Variants in CNTN5 observed in about 807,000 individuals in gnomAD.
The protein encoded by CNTN5 is contactin 5, also known as contactin-5.
CNTN5 carries 77 observed loss-of-function variants against 129.1 expected under a neutral mutation model. The observed-to-expected ratio is 0.60, with a 90% CI of 0.50 to 0.72. The LOEUF (loss-of-function observed/expected upper bound fraction) is 0.72, where lower values mean the gene tolerates loss of function less well. Among genes scored for constraint, CNTN5 ranks in the 30% least tolerant of loss-of-function variants. The probability of loss-of-function intolerance (pLI) is 0.00; values close to 1 mark genes in which losing one functional copy is unlikely to be tolerated. For missense variants in CNTN5, 1,478 were observed against 1,328.8 expected, an observed-to-expected ratio of 1.11 and a Z score of -1.75; for synonymous variants, 509 against 465.6, an observed-to-expected ratio of 1.09 and a Z score of -1.20.
intron 6 of CNTN5, among the ~76,000 whole-genome samples, chr11:99,882,400 T>C (rs537306216): frequency 6.6e-6 from 1 of 152,262 alleles, no homozygotes; most frequent in East Asian, 1.9e-4. Context: ...AAATGAACTT[T>C]GAGCAGTAAA....
At chr11:100,217,252 C>T (rs1214485958) in intron 15 of CNTN5, among the ~76,000 whole-genome samples, 2 of 152,110 alleles carry the variant, frequency 1.3e-5, no homozygotes, top group East Asian at 3.9e-4. Flanking sequence ...ATATTTTATG[C>T]CAGCTTCTTT....
chr11:99,100,704 A>G (rs1309136783), intron 1 of CNTN5, among the ~76,000 whole-genome samples: 1 of 152,160 alleles, frequency 6.6e-6, no homozygotes, highest in Non-Finnish European at 1.5e-5. Context: ...TCTCCATAAT[A>G]CGTTTTTAAA....
At chr11:99,462,067 T>C (rs1426313556) in intron 2 of CNTN5, among the ~76,000 whole-genome samples, 1 of 152,194 alleles carries the variant, frequency 6.6e-6, no homozygotes, top group Non-Finnish European at 1.5e-5. Flanking sequence ...TTTAGTTTCA[T>C]TTAAATAACT....
Position 100,204,295 on chromosome 11 carries a change from CTAAT to C in CNTN5, c.1884+10633_1884+10636del, listed in dbSNP as rs1263133596. Among the ~76,000 whole-genome samples, 66 of 27,704 alleles carry C rather than the reference CTAAT, an allele frequency of 2.4e-3. 4 individuals carry two copies. The highest frequency in any genetic ancestry group is 0.013 in the South Asian group (10 of 774). 18.2% of individuals were successfully genotyped at this position (27,704 alleles called of 152,430 possible). A position where few individuals can be genotyped will look rare whatever the true frequency, so the allele number is the denominator to read the frequency against. The stretch of plus-strand genomic sequence containing the variant: ...TAGCTCACCAAGAAACAAACATTGA[CTAAT>C]ATATATATATATATATATATATATA... On this transcript the variant is annotated intron_variant, in intron 15 of 24. Transcript: ENST00000524871.
chr11:99,352,128 T>C (rs1429805966), intron 2 of CNTN5, among the ~76,000 whole-genome samples: 1 of 152,196 alleles, frequency 6.6e-6, no homozygotes, highest in African/African-American at 2.4e-5. Flanking sequence ...AGTGTCAGAT[T>C]TGTACATGAT....
At chr11:99,516,743 T>C (rs1302135074) in intron 2 of CNTN5, among the ~76,000 whole-genome samples, 2 of 152,150 alleles carry the variant, frequency 1.3e-5, no homozygotes, top group Non-Finnish European at 2.9e-5. Flanking sequence ...TGAATTTTTT[T>C]AAGATTTCTT....
rs35937617 is a variant in CNTN5 at position 100,321,291 on chromosome 11, A to ATTTT, written c.2730+12835_2730+12838dup. ...CTTCTTGCTTAACTTATTCCTAAGT[A>ATTTT]TTTTTTTTTTTTTTTGGTAGCTATT... On this transcript the variant is annotated intron_variant, in intron 21 of 24. Transcript: ENST00000524871. Among the ~76,000 whole-genome samples, 1,001 of 134,572 alleles carry ATTTT rather than the reference A, an allele frequency of 7.4e-3. 18 individuals are homozygous for ATTTT. Among genetic ancestry groups the ATTTT allele is most frequent in the African/African-American group, 0.026 (958 of 36,962 alleles). The allele number at this position is 134,572 out of a possible 152,430, so 88.3% of individuals were successfully genotyped here.
intron 12 of CNTN5, among the ~76,000 whole-genome samples, chr11:100,072,135 T>A (rs1454142181): frequency 6.6e-6 from 1 of 152,184 alleles, no homozygotes; most frequent in Non-Finnish European, 1.5e-5. Context: ...CATGTTAACT[T>A]CCAAGGAAGA....
At chr11:100,032,857 TAATG>T (rs1471676188) in intron 9 of CNTN5, among the ~76,000 whole-genome samples, 3 of 152,200 alleles carry the variant, frequency 2.0e-5, no homozygotes, top group Admixed American at 6.5e-5. Flanking sequence ...TAAGAATTTT[TAATG>T]AATGAAGATT....
At chr11:100,009,833 A>G (rs1210211959) in intron 9 of CNTN5, among the ~76,000 whole-genome samples, 4 of 152,170 alleles carry the variant, frequency 2.6e-5, no homozygotes, top group African/African-American at 9.7e-5. Context: ...GCCCATCCAC[A>G]CATTCTCAGG....
chr11:99,566,805 G>T (rs1342082444), intron 3 of CNTN5, among the ~76,000 whole-genome samples: 1 of 152,126 alleles, frequency 6.6e-6, no homozygotes, highest in East Asian at 1.9e-4. Flanking sequence ...CTTAGAATAG[G>T]CTGGAAAGCC....
intron 13 of CNTN5, among the ~76,000 whole-genome samples, chr11:100,096,550 TC>T (rs1177230332): frequency 1.3e-5 from 2 of 152,030 alleles, no homozygotes; most frequent in African/African-American, 4.8e-5. Context: ...CTCCTAGCCA[TC>T]CGGGTTTGAA....
chr11:100,031,363 G>C (rs937364491), intron 9 of CNTN5, among the ~76,000 whole-genome samples: 1 of 152,158 alleles, frequency 6.6e-6, no homozygotes. Context: ...ATGAGTGGAC[G>C]TGCAGTCAGG....
chr11:99,834,589 T>G (rs893362055), intron 4 of CNTN5, among the ~76,000 whole-genome samples: 1 of 152,192 alleles, frequency 6.6e-6, no homozygotes, highest in Admixed American at 6.5e-5. Context: ...AAATCATTTT[T>G]AAAAGAATTA....
intron 9 of CNTN5, among the ~76,000 whole-genome samples, chr11:100,047,709 T>A (rs187806411): frequency 3.3e-4 from 51 of 152,322 alleles, no homozygotes; most frequent in Non-Finnish European, 4.9e-4. Context: ...GCATAATTTT[T>A]GGGTTTCTCT....
At chr11:100,242,227 T>C (rs1949756176) in intron 16 of CNTN5, among the ~76,000 whole-genome samples, 1 of 152,212 alleles carries the variant, frequency 6.6e-6, no homozygotes, top group African/African-American at 2.4e-5. Context: ...CCTGGAAAAC[T>C]CTTGCCCATA....
At chr11:99,550,894 G>C (rs1948459123) in intron 2 of CNTN5, among the ~76,000 whole-genome samples, 1 of 152,106 alleles carries the variant, frequency 6.6e-6, no homozygotes, top group Non-Finnish European at 1.5e-5. Context: ...AGTTAAATAA[G>C]CATTTTGGAA....
chr11:100,193,109 A>G (rs1948538717), intron 14 of CNTN5, among the ~76,000 whole-genome samples: 1 of 151,826 alleles, frequency 6.6e-6, no homozygotes, highest in Admixed American at 6.6e-5. Context: ...GAAACACATA[A>G]CCTTTTTATT....
chr11:99,812,500 C>G (rs1004245309), intron 3 of CNTN5, among the ~76,000 whole-genome samples: 3 of 152,046 alleles, frequency 2.0e-5, no homozygotes, highest in African/African-American at 7.2e-5. Context: ...TACTATCAGG[C>G]AAGCATAGTT....
Sources: allele counts gnomAD v4.1 joint callset (sites outside exome capture counted in the v4.1 genomes callset), GRCh38; gene constraint gnomAD v4.1.1; transcripts MANE v1.5; gene names NCBI Gene and HGNC (gene_info 2026-07-23, HGNC 2026-07-21).